Variants in SUCO observed in about 807,000 individuals in gnomAD.
SUCO encodes SUN domain containing ossification factor.
SUCO carries 57 observed loss-of-function variants against 148.1 expected under a neutral mutation model. That is an observed-to-expected ratio of 0.38 (90% confidence interval 0.31 to 0.48). The LOEUF (loss-of-function observed/expected upper bound fraction) is 0.48, where lower values mean the gene tolerates loss of function less well. Ranked by LOEUF, SUCO falls within the 20% of genes least tolerant of loss-of-function variation. The probability of loss-of-function intolerance (pLI) is 0.96; values close to 1 mark genes in which losing one functional copy is unlikely to be tolerated. For synonymous variants in SUCO, 470 were observed against 502.7 expected (o/e 0.93, Z 0.87); for missense variants, 1,331 against 1,468.2 (o/e 0.91, Z 1.53).
chr1:172,603,527 C>A (rs972829231), intron 22 of SUCO, among the ~76,000 whole-genome samples: 3 of 152,032 alleles, frequency 2.0e-5, no homozygotes, highest in African/African-American at 7.2e-5. Flanking sequence ...TATCACAAAG[C>A]TTTACAGACT....
chr1:172,572,662 T>A, intron 9 of SUCO, among the ~76,000 whole-genome samples: 1 of 92,994 alleles, frequency 1.1e-5, no homozygotes, highest in Non-Finnish European at 1.9e-5. Context: ...CCCTGCCAAA[T>A]CCCCCTCTGT....
At chr1:172,585,125 C>A in intron 16 of SUCO, 39 bp downstream of exon 16, 1 of 1,415,862 alleles carries the variant, frequency 7.1e-7, no homozygotes, top group Non-Finnish European at 9.7e-7. Flanking sequence ...ATAGCTGGTA[C>A]TCCAGGGATC....
chr1:172,587,631 T>C (rs986002415), intron 17 of SUCO, among the ~76,000 whole-genome samples: 5 of 152,116 alleles, frequency 3.3e-5, no homozygotes, highest in African/African-American at 1.2e-4. Flanking sequence ...TCTAATTATG[T>C]TTTAATTTGG....
intron 19 of SUCO, among the ~76,000 whole-genome samples, chr1:172,597,467 T>G (rs1422664990): frequency 6.6e-6 from 1 of 152,228 alleles, no homozygotes; most frequent in Non-Finnish European, 1.5e-5. Flanking sequence ...GTGTGTGTGT[T>G]AAATAGAAAC....
intron 17 of SUCO, chr1:172,588,421 ATATT>A (rs1331903865): frequency 3.0e-6 from 3 of 985,016 alleles, no homozygotes; most frequent in Admixed American, 6.2e-5. Context: ...GATTCAGTGA[ATATT>A]TATGAGAGGA....
chr1:172,581,275 C>CAGAT (rs1052168085), intron 15 of SUCO, among the ~76,000 whole-genome samples: 6 of 152,106 alleles, frequency 3.9e-5, no homozygotes, highest in African/African-American at 1.4e-4. Context: ...TTTCCTTTTA[C>CAGAT]AGATCTCTGG....
chr1:172,594,623 G>T (rs1174353226), intron 19 of SUCO, among the ~76,000 whole-genome samples: 1 of 152,134 alleles, frequency 6.6e-6, no homozygotes, highest in Non-Finnish European at 1.5e-5. Flanking sequence ...GTTCTAATTC[G>T]ATTGCACTGT....
At chr1:172,584,724 C>T (rs954945182) in intron 15 of SUCO, among the ~76,000 whole-genome samples, 1 of 152,070 alleles carries the variant, frequency 6.6e-6, no homozygotes, top group East Asian at 1.9e-4. Context: ...TGCAGTGAGC[C>T]GAGATTGCAC....
chr1:172,570,211 T>A, intron 8 of SUCO, 40 bp downstream of exon 8: 2 of 1,270,852 alleles, frequency 1.6e-6, no homozygotes, highest in Non-Finnish European at 2.2e-6. Context: ...TATAGGAAAT[T>A]AACGACTTTT....
At chr1:172,603,308 T>C (rs2149271488) in intron 22 of SUCO, 1 of 152,236 alleles carries the variant, frequency 6.6e-6, no homozygotes, top group Middle Eastern at 3.4e-3. Context: ...GAGTGGATAT[T>C]TTCCTATTTC....
intron 4 of SUCO, among the ~76,000 whole-genome samples, chr1:172,556,319 A>G (rs1401469132): frequency 6.6e-6 from 1 of 152,326 alleles, no homozygotes; most frequent in East Asian, 1.9e-4. Context: ...AACAGTGCTT[A>G]TTTGAATTGA....
At chr1:172,590,467 AC>A in intron 18 of SUCO, 1 of 529,542 alleles carries the variant, frequency 1.9e-6, no homozygotes, top group Non-Finnish European at 2.4e-6. Flanking sequence ...TCATTAAGAC[AC>A]CAGGCCTGGC....
intron 3 of SUCO, among the ~76,000 whole-genome samples, chr1:172,553,711 G>A (rs1653489167): frequency 6.6e-6 from 1 of 152,068 alleles, no homozygotes. Context: ...GGAACAAAAG[G>A]GAGTATTTTT....
intron 22 of SUCO, chr1:172,608,050 G>A (rs1657972129): frequency 1.0e-6 from 1 of 982,846 alleles, no homozygotes; most frequent in Non-Finnish European, 1.2e-6. Context: ...TGTCAGTGTG[G>A]GGGTGGGGTT....
intron 6 of SUCO, among the ~76,000 whole-genome samples, chr1:172,560,640 C>T (rs1264550876): frequency 1.3e-5 from 2 of 152,186 alleles, no homozygotes; most frequent in Non-Finnish European, 2.9e-5. Flanking sequence ...TCCTATTGCT[C>T]ATTTACTTCT....
intron 1 of SUCO, among the ~76,000 whole-genome samples, chr1:172,548,282 T>C (rs1168087423): frequency 7.2e-5 from 11 of 151,918 alleles, no homozygotes. Context: ...TGTTTTTTCT[T>C]TTTATTCCAT....
chr1:172,551,480 T>C (rs755393213), intron 1 of SUCO, 32 bp from the exon 2 acceptor site: 1 of 1,347,932 alleles, frequency 7.4e-7, no homozygotes, highest in South Asian at 1.3e-5. Flanking sequence ...TTTCTCTTTT[T>C]CTGTTTGTTG....
At chr1:172,584,219 C>T (rs1251125797) in intron 15 of SUCO, 1 of 167,896 alleles carries the variant, frequency 6.0e-6, no homozygotes, top group Admixed American at 6.6e-5. Flanking sequence ...ATGTTTTCTG[C>T]TTTTTTTTGG....
At chr1:172,563,497 A>G (rs539402214) in intron 6 of SUCO, among the ~76,000 whole-genome samples, 28 of 152,332 alleles carry the variant, frequency 1.8e-4, no homozygotes, top group African/African-American at 6.3e-4. Context: ...GATCTGTGGG[A>G]CTTTGAACTT....
Sources: gnomAD v4.1 joint callset for allele counts (sites outside exome capture counted in the v4.1 genomes callset) on GRCh38, gnomAD v4.1.1 for gene constraint, MANE v1.5 for transcripts, NCBI Gene and HGNC (gene_info 2026-07-23, HGNC 2026-07-21) for gene names.